TIMM50: variants seen among roughly 807,000 people sequenced by gnomAD.
TIMM50 encodes translocase of inner mitochondrial membrane 50.
In TIMM50, 34 loss-of-function variants were observed where a neutral mutation model predicts 49.6. That is an observed-to-expected ratio of 0.69 (90% CI 0.52 to 0.91). The LOEUF is 0.91. Among genes scored for constraint, TIMM50 ranks in the 40% least tolerant of loss-of-function variants. The pLI is 0.00. For synonymous variants in TIMM50, 199 were observed against 198.4 expected (o/e 1.00, Z -0.03); for missense variants, 458 against 477.8 (o/e 0.96, Z 0.39).
intron 7 of TIMM50, 32 bp from the exon 8 acceptor site, chr19:39,486,365 C>G: frequency 6.2e-7 from 1 of 1,613,492 alleles, no homozygotes; most frequent in Non-Finnish European, 8.5e-7. Flanking sequence ...AGGGCTCAGC[C>G]TGACCTTTTC....
At position 39,486,234 on chromosome 19, in the gene TIMM50, G is replaced by C; in HGVS notation, c.540G>C (p.Leu180Phe). Reference protein sequence around the residue: ...RFKKRPGIETLFQQLAPLYEI... With the variant: ...RFKKRPGIETFFQQLAPLYEI... ...AGAAGCGCCCAGGCATCGAGACCTTGTTCCAGCAGCTTGCCCCTTTATATG... is the reference window on the plus strand; with the variant it reads ...AGAAGCGCCCAGGCATCGAGACCTTCTTCCAGCAGCTTGCCCCTTTATATG... The change falls in exon 7 of 11, where the codon TTG (leucine) becomes TTC (phenylalanine). Residue 180 changes from leucine (L) to phenylalanine (F), a missense_variant. Physicochemically the swap from Leu to Phe is conservative, Grantham distance 22. Transcript: ENST00000607714. 6.2e-7 allele frequency: 1 copy of C among 1,614,192 alleles called. No homozygotes were observed.
At chr19:39,489,593 G>A (rs1205236966) in intron 10 of TIMM50, 126 bp from the exon 11 acceptor site, 1 of 929,300 alleles carries the variant, frequency 1.1e-6, no homozygotes, top group African/African-American at 1.7e-5. Context: ...GGGGAAAGGG[G>A]TCTGGACTTG....
chr19:39,487,909 C>A, intron 8 of TIMM50, 152 bp from the exon 9 acceptor site: 2 of 1,197,148 alleles, frequency 1.7e-6, no homozygotes, highest in South Asian at 1.6e-5. Flanking sequence ...GGGGTCGATG[C>A]CATCATCCAA....
Position 39,490,364 on chromosome 19 carries a change from A to G in TIMM50, c.*544A>G, listed in dbSNP as rs1232463626. 6.6e-6 allele frequency: 1 copy of G among 152,314 alleles called. No individual in the cohort carries two copies. The highest frequency in any genetic ancestry group is 1.9e-4 in the East Asian group (1 of 5,180). The allele number at this position is 152,314 out of a possible 1,614,324, so 9.4% of individuals were successfully genotyped here. On this transcript the variant is annotated 3_prime_UTR_variant, in exon 11 of 11. Transcript: ENST00000607714. ...ACACGCCAGTTGTTCAAAAGAAGCA[A>G]GAACTTGGGAATATTTTTTTTTTTT...
chr19:39,489,278 G>A (rs1741596542), intron 10 of TIMM50, among the ~76,000 whole-genome samples: 1 of 152,188 alleles, frequency 6.6e-6, no homozygotes, highest in African/African-American at 2.4e-5. Context: ...GTCTGGTGAG[G>A]AGGGCCATGG....
At chr19:39,485,927 C>A in intron 6 of TIMM50, 120 bp downstream of exon 6, 1 of 1,433,664 alleles carries the variant, frequency 7.0e-7, no homozygotes, top group Non-Finnish European at 9.5e-7. Flanking sequence ...CCTGTCATTG[C>A]CTCGCTTTCT....
intron 10 of TIMM50, 73 bp from the exon 11 acceptor site, chr19:39,489,646 G>T: frequency 7.2e-7 from 1 of 1,385,554 alleles, no homozygotes. Flanking sequence ...TGAGGCCTGG[G>T]GACCTGGGCA....
intron 2 of TIMM50, 129 bp downstream of exon 2, chr19:39,482,162 C>A: frequency 8.7e-7 from 1 of 1,153,780 alleles, no homozygotes; most frequent in Non-Finnish European, 1.2e-6. Context: ...ATAGGGCAGC[C>A]AAATAAGACA....
Position 39,485,609 on chromosome 19 carries a change from A to G in TIMM50, c.372+7A>G, listed in dbSNP as rs1481319847. 6.2e-7 allele frequency: 1 copy of G among 1,614,168 alleles called. No individual in the cohort carries two copies. The highest frequency in any genetic ancestry group is 1.1e-5 in the South Asian group (1 of 91,090). ...TTTCAAAGATTATAGACAGGTGAGC[A>G]GAAGCCCTGGGCTCAGTCCCCATGT... On this transcript the variant is annotated splice_region_variant and intron_variant, in intron 5 of 10. Transcript: ENST00000607714.
chr19:39,483,322 A>G, intron 4 of TIMM50, 166 bp downstream of exon 4: 1 of 830,878 alleles, frequency 1.2e-6, no homozygotes, highest in South Asian at 1.7e-5. Context: ...ACAAAGCCCA[A>G]GCCCACTTCC....
intron 6 of TIMM50, 166 bp downstream of exon 6, chr19:39,485,973 C>G (rs2079503010): frequency 8.3e-7 from 1 of 1,204,344 alleles, no homozygotes; most frequent in Non-Finnish European, 1.2e-6. Flanking sequence ...AACACCCACT[C>G]TGTAGGGTAG....
In TIMM50 at chr19:39,491,849, AAAC is replaced by A. The variant is rs1313359026; in HGVS notation, c.*2030_*2032del. 4.0e-3 allele frequency: 595 copies of A among 150,154 alleles called. 3 individuals carry two copies. Among genetic ancestry groups the A allele is most frequent in the African/African-American group, 0.014 (558 of 40,326 alleles). 9.3% of individuals were successfully genotyped at this position (150,154 alleles called of 1,614,324 possible). On this transcript the variant is annotated 3_prime_UTR_variant, in exon 11 of 11. Coordinates refer to ENST00000607714, the MANE Select transcript of TIMM50 (RefSeq NM_001001563.5). The stretch of plus-strand genomic sequence containing the variant: ...CTCAAAAAAAAAAAAAAAAAAAAAA[AAAC>A]CTTAAGATTTTTTTTTGGAGTCAGG...
Position 39,488,563 on chromosome 19 carries a change from A to T in TIMM50, c.878A>T (p.Asp293Val), listed in dbSNP as rs372501328. Residue 293 changes from aspartate (D) to valine (V), a missense_variant, in exon 10 of 11, where the codon GAC becomes GTC. Coordinates refer to ENST00000607714, the MANE Select transcript of TIMM50 (RefSeq NM_001001563.5). Reference protein sequence around the residue: ...LKTIALNGVEDVRTVLEHYAL... With the variant: ...LKTIALNGVEVVRTVLEHYAL... ...GCCATTGCACTGAATGGTGTGGAGG[A>T]CGTGCGAACCGTGCTGGAGCACTAT... The T allele has an allele frequency of 3.7e-6, 6 of 1,612,832 alleles. No individual in the cohort carries two copies. Among genetic ancestry groups the T allele is most frequent in the Non-Finnish European group, 5.1e-6 (6 of 1,180,028 alleles).
At chr19:39,484,202 A>T (rs1466329743) in intron 4 of TIMM50, among the ~76,000 whole-genome samples, 1 of 152,176 alleles carries the variant, frequency 6.6e-6, no homozygotes, top group Non-Finnish European at 1.5e-5. Flanking sequence ...TGCACTAAAA[A>T]TACTGTATTA....
chr19:39,486,621 G>T, intron 8 of TIMM50, 126 bp downstream of exon 8: 1 of 827,628 alleles, frequency 1.2e-6, no homozygotes, highest in Non-Finnish European at 2.0e-6. Flanking sequence ...ATTCCTGCTG[G>T]CAGGCACATG....
intron 2 of TIMM50, 90 bp downstream of exon 2, chr19:39,482,123 C>T (rs1487047653): frequency 6.6e-7 from 1 of 1,511,800 alleles, no homozygotes; most frequent in Non-Finnish European, 9.0e-7. Context: ...ACCAGCTTCT[C>T]TCGTCTTCAT....
At chr19:39,482,148 C>A in intron 2 of TIMM50, 115 bp downstream of exon 2, 1 of 1,351,000 alleles carries the variant, frequency 7.4e-7, no homozygotes, top group African/African-American at 1.5e-5. Context: ...TGGCTCCTTC[C>A]TCAATAGGGC....
chr19:39,485,384 G>A, intron 4 of TIMM50, 160 bp from the exon 5 acceptor site: 1 of 734,180 alleles, frequency 1.4e-6, no homozygotes, highest in Non-Finnish European at 2.3e-6. Context: ...CTATCTGGCG[G>A]TATGTCATTG....
Position 39,489,945 on chromosome 19 carries a change from T to A in TIMM50, c.*125T>A. 1.1e-6 allele frequency: 1 copy of A among 913,940 alleles called. No homozygotes were observed. Among genetic ancestry groups the A allele is most frequent in the Non-Finnish European group, 1.7e-6 (1 of 592,170 alleles). 56.6% of individuals were successfully genotyped at this position (913,940 alleles called of 1,614,324 possible). The stretch of plus-strand genomic sequence containing the variant: ...CCACACCTGCTGTGTCCCGAGAGTC[T>A]CCAGATGGGGGCATCAGGGTGAGGT... On this transcript the variant is annotated 3_prime_UTR_variant, in exon 11 of 11. Transcript: ENST00000607714.
Sources: gnomAD v4.1 joint callset for allele counts (sites outside exome capture counted in the v4.1 genomes callset) on GRCh38, gnomAD v4.1.1 for gene constraint, MANE v1.5 for transcripts, NCBI Gene and HGNC (gene_info 2026-07-23, HGNC 2026-07-21) for gene names.